The following GLCCI1 variants were observed in gnomAD, a reference collection of about 807,000 sequenced individuals.
The protein encoded by GLCCI1 is glucocorticoid-induced transcript 1 protein.
A neutral mutation model predicts 52.2 loss-of-function variants in GLCCI1; 24 were observed. That is an observed-to-expected ratio of 0.46 (90% confidence interval 0.33 to 0.65). GLCCI1 has a LOEUF of 0.65. GLCCI1 is among the 30% of genes least tolerant of loss of function. The pLI is 0.02. For synonymous variants in GLCCI1, 310 were observed against 276.5 expected, an observed-to-expected ratio of 1.12 and a Z score of -1.20; for missense variants, 704 against 701.5, an observed-to-expected ratio of 1.00 and a Z score of -0.04.
chr7:8,058,372 A>G (rs967648088), intron 4 of GLCCI1, among the ~76,000 whole-genome samples: 2 of 152,214 alleles, frequency 1.3e-5, no homozygotes, highest in Admixed American at 6.5e-5. Context: ...TGCAAATTTA[A>G]AAGGACTTGT....
At chr7:8,000,139 G>A (rs1781023407) in intron 1 of GLCCI1, among the ~76,000 whole-genome samples, 1 of 152,154 alleles carries the variant, frequency 6.6e-6, no homozygotes, top group South Asian at 2.1e-4. Context: ...ACTGATAAAT[G>A]TCGGCTTTGC....
intron 3 of GLCCI1, among the ~76,000 whole-genome samples, chr7:8,032,680 A>G (rs541168480): frequency 6.6e-6 from 1 of 152,054 alleles, no homozygotes; most frequent in Non-Finnish European, 1.5e-5. Flanking sequence ...AAATTAGTAG[A>G]AAGGTATAAA....
In GLCCI1 at chr7:7,968,800, G is replaced by A. The variant is rs1321557152; in HGVS notation, c.-551G>A. Reference sequence around the variant, plus strand: ...GGGGTGCGGCTGGGGCGAATTAGTTGCCATTCGGAGTGAGGAGTGGGTAGA... The same window carrying A: ...GGGGTGCGGCTGGGGCGAATTAGTTACCATTCGGAGTGAGGAGTGGGTAGA... On this transcript the variant is annotated 5_prime_UTR_variant, in exon 1 of 8. Transcript: ENST00000223145. 2 of 155,732 alleles carry A rather than the reference G, an allele frequency of 1.3e-5. No homozygotes were observed. Among genetic ancestry groups the A allele is most frequent in the Non-Finnish European group, 2.9e-5 (2 of 69,616 alleles). The allele number at this position is 155,732 out of a possible 1,614,324, so 9.6% of individuals were successfully genotyped here.
At chr7:7,989,183 T>C (rs1319928559) in intron 1 of GLCCI1, among the ~76,000 whole-genome samples, 1 of 152,190 alleles carries the variant, frequency 6.6e-6, no homozygotes. Flanking sequence ...TAATTTTAAA[T>C]TGTAGCGGCT....
chr7:8,056,813 C>A (rs1183646782), intron 4 of GLCCI1, among the ~76,000 whole-genome samples: 1 of 152,052 alleles, frequency 6.6e-6, no homozygotes, highest in Non-Finnish European at 1.5e-5. Context: ...TGACTAACTG[C>A]AAATACAGTA....
chr7:8,034,444 G>T (rs1263750677), intron 3 of GLCCI1, among the ~76,000 whole-genome samples: 1 of 152,102 alleles, frequency 6.6e-6, no homozygotes, highest in Non-Finnish European at 1.5e-5. Context: ...CCACAGACTT[G>T]AAGAAATATT....
intron 1 of GLCCI1, among the ~76,000 whole-genome samples, chr7:7,973,942 C>G (rs371586381): frequency 1.2e-3 from 176 of 152,076 alleles, no homozygotes; most frequent in African/African-American, 4.1e-3. Context: ...CTCAGATATT[C>G]TCTTTCTATA....
rs892233943 is a variant in GLCCI1 at position 8,023,537 on chromosome 7, A to G, written c.696+968A>G. ...TTAGAATTGAAAGGTCATCCAGCCA[A>G]TCTCCTAAATAAATACTCCTTAAAA... On this transcript the variant is annotated intron_variant, in intron 3 of 7. Transcript: ENST00000223145. 6.7e-5 allele frequency among the ~76,000 whole-genome samples: 10 copies of G among 149,100 alleles called. No homozygotes were observed. The South Asian group carries it at 1.5e-3, about 22-fold the overall frequency.
At chr7:8,010,161 C>A (rs574212188) in intron 2 of GLCCI1, among the ~76,000 whole-genome samples, 1 of 152,222 alleles carries the variant, frequency 6.6e-6, no homozygotes, top group Non-Finnish European at 1.5e-5. Context: ...CAAAATGTCA[C>A]CTCTTTTGAA....
chr7:8,084,870 G>C lies in GLCCI1; in HGVS notation c.1178-27G>C, dbSNP rs767049189. On this transcript the variant is annotated intron_variant, in intron 6 of 7. Transcript: ENST00000223145. The stretch of plus-strand genomic sequence containing the variant: ...AATTTAAAAGAGCTTTCAATCACTA[G>C]TTAATATAACTGCTTTAAATTTACA... 1.2e-5 allele frequency: 19 copies of C among 1,608,152 alleles called. No homozygotes were observed. The South Asian group carries it at 1.9e-4, about 16-fold the overall frequency.
rs181011542 is a variant in GLCCI1 at position 8,038,482 on chromosome 7, G to A, written c.696+15913G>A. Among the ~76,000 whole-genome samples the A allele has an allele frequency of 3.0e-3, 451 of 152,242 alleles. 2 individuals are homozygous for A. Among genetic ancestry groups the A allele is most frequent in the Non-Finnish European group, 5.1e-3 (347 of 67,982 alleles). On this transcript the variant is annotated intron_variant, in intron 3 of 7. Coordinates refer to ENST00000223145, the MANE Select transcript of GLCCI1 (RefSeq NM_138426.4). ...ATAAAGTCAACTGATTTTTGACAAAGTTGACAAAACATATGCTGGGGAAAG... is the reference window on the plus strand; with the variant it reads ...ATAAAGTCAACTGATTTTTGACAAAATTGACAAAACATATGCTGGGGAAAG...
At chr7:8,014,110 C>T (rs1562428230) in intron 2 of GLCCI1, among the ~76,000 whole-genome samples, 1 of 152,056 alleles carries the variant, frequency 6.6e-6, no homozygotes. Context: ...CTGCCTTAGC[C>T]TCCCGAGTAG....
chr7:8,057,704 A>T (rs1782430027), intron 4 of GLCCI1, among the ~76,000 whole-genome samples: 1 of 152,168 alleles, frequency 6.6e-6, no homozygotes, highest in Non-Finnish European at 1.5e-5. Context: ...TTTGAAGTGA[A>T]AATTCTTATA....
intron 1 of GLCCI1, among the ~76,000 whole-genome samples, chr7:7,993,201 CTT>C (rs1446648867): frequency 6.6e-6 from 1 of 151,568 alleles, no homozygotes; most frequent in Non-Finnish European, 1.5e-5. Context: ...TTTTTTTGTA[CTT>C]TTAAATAGGG....
chr7:8,046,623 C>T (rs1175616379), intron 3 of GLCCI1, among the ~76,000 whole-genome samples: 1 of 152,132 alleles, frequency 6.6e-6, no homozygotes, highest in East Asian at 1.9e-4. Flanking sequence ...ATTTTTAAAT[C>T]TACCTATAAC....
Position 7,969,264 on chromosome 7 carries a change from A to G in GLCCI1, c.-87A>G. On this transcript the variant is annotated 5_prime_UTR_variant, in exon 1 of 8. Transcript: ENST00000223145. This position sits in a 1 kb window ranked among gnomAD's most constrained non-coding sequence, Gnocchi z 4.9. ...CCCTCCCCCTTACACACTCGCACGC[A>G]CTATCGCGCCGGCTCCCACACGCTC... 9.3e-7 allele frequency: 1 copy of G among 1,072,272 alleles called. No homozygotes were observed. The highest frequency in any genetic ancestry group is 2.1e-5 in the South Asian group (1 of 47,736). The allele number at this position is 1,072,272 out of a possible 1,614,324, so 66.4% of individuals were successfully genotyped here.
chr7:8,000,685 C>T (rs1437245180), intron 1 of GLCCI1, among the ~76,000 whole-genome samples: 1 of 149,660 alleles, frequency 6.7e-6, no homozygotes, highest in Non-Finnish European at 1.5e-5. Context: ...TCATAATATT[C>T]AGTATCATAA....
chr7:7,972,787 G>T (rs1015455661), intron 1 of GLCCI1, among the ~76,000 whole-genome samples: 1 of 151,680 alleles, frequency 6.6e-6, no homozygotes, highest in African/African-American at 2.4e-5. Context: ...ATACAACCCA[G>T]GAAAAAATGA....
intron 1 of GLCCI1, among the ~76,000 whole-genome samples, chr7:7,997,709 C>A (rs140529245): frequency 0.028 from 4,277 of 152,158 alleles, 192 homozygotes; most frequent in African/African-American, 0.09. Flanking sequence ...AGGCAGATCA[C>A]CTGAGGTCAG....
Sources: allele counts gnomAD v4.1 joint callset (sites outside exome capture counted in the v4.1 genomes callset), GRCh38; gene constraint gnomAD v4.1.1; non-coding constraint Gnocchi (gnomAD v3.1); transcripts MANE v1.5; gene names NCBI Gene and HGNC (gene_info 2026-07-23, HGNC 2026-07-21).